The following NUS1 variants were observed in gnomAD, a reference collection of about 807,000 sequenced individuals.
NUS1 encodes NUS1 dehydrodolichyl diphosphate synthase subunit, also known as dehydrodolichyl diphosphate synthase complex subunit NUS1.
For missense variants in NUS1, 292 were observed against 382.9 expected (o/e 0.76, Z 1.98); for synonymous variants, 135 against 155.2 (o/e 0.87, Z 0.97).
intron 3 of NUS1, among the ~76,000 whole-genome samples, chr6:117,702,628 A>G (rs886839757): frequency 6.6e-6 from 1 of 152,052 alleles, no homozygotes; most frequent in African/African-American, 2.4e-5. Flanking sequence ...GTCATTTTTT[A>G]TGGAAGATAA....
chr6:117,698,911 GATC>G (rs1319357165), intron 3 of NUS1, among the ~76,000 whole-genome samples: 1 of 152,048 alleles, frequency 6.6e-6, no homozygotes, highest in Non-Finnish European at 1.5e-5. Context: ...TAAAAATCAT[GATC>G]ATTTCAATTG....
chr6:117,683,011 A>T (rs1260995380), intron 1 of NUS1, among the ~76,000 whole-genome samples: 1 of 152,196 alleles, frequency 6.6e-6, no homozygotes, highest in African/African-American at 2.4e-5. Flanking sequence ...GAGTTATAGG[A>T]CACATTTTTT....
chr6:117,690,977 C>T, intron 1 of NUS1, among the ~76,000 whole-genome samples: 2 of 48,868 alleles, frequency 4.1e-5, no homozygotes, highest in Admixed American at 2.6e-4. Flanking sequence ...GAGAGTCTGT[C>T]TCAAAAAAAA....
chr6:117,688,006 C>T (rs1010422447), intron 1 of NUS1, among the ~76,000 whole-genome samples: 2 of 152,004 alleles, frequency 1.3e-5, no homozygotes, highest in Non-Finnish European at 2.9e-5. Context: ...ACTTGAGGGC[C>T]AGGAGTTAGA....
intron 1 of NUS1, among the ~76,000 whole-genome samples, chr6:117,677,390 C>G (rs905249179): frequency 1.3e-5 from 2 of 152,118 alleles, no homozygotes; most frequent in Non-Finnish European, 1.5e-5. Context: ...TTGAGGAATA[C>G]TCAGGTTTGG....
intron 1 of NUS1, among the ~76,000 whole-genome samples, chr6:117,684,619 G>C (rs771859956): frequency 6.6e-6 from 1 of 152,042 alleles, no homozygotes; most frequent in African/African-American, 2.4e-5. Context: ...GAATGCTTTC[G>C]AAATTCATTA....
Position 117,707,327 on chromosome 6 carries a change from T to G in NUS1, c.*312T>G, listed in dbSNP as rs549936556. On this transcript the variant is annotated 3_prime_UTR_variant, in exon 5 of 5. Coordinates refer to ENST00000368494, the MANE Select transcript of NUS1 (RefSeq NM_138459.5). Reference sequence around the variant, plus strand: ...AGGAACTGAAATGTCACACTTAAAGTCTTCAGCCCAGCTACTTCCCTATTT... The same window carrying G: ...AGGAACTGAAATGTCACACTTAAAGGCTTCAGCCCAGCTACTTCCCTATTT... The G allele has an allele frequency of 7.3e-6, 2 of 273,404 alleles. No individual in the cohort carries two copies. Among genetic ancestry groups the G allele is most frequent in the African/African-American group, 4.4e-5 (2 of 45,064 alleles). The allele number at this position is 273,404 out of a possible 1,614,324, so 16.9% of individuals were successfully genotyped here.
At chr6:117,679,438 A>G (rs1297856389) in intron 1 of NUS1, among the ~76,000 whole-genome samples, 1 of 152,260 alleles carries the variant, frequency 6.6e-6, no homozygotes, top group African/African-American at 2.4e-5. Flanking sequence ...ATGAGGTAGG[A>G]TGAAGGCTTG....
At chr6:117,706,078 A>G (rs1773496933) in intron 4 of NUS1, among the ~76,000 whole-genome samples, 1 of 152,158 alleles carries the variant, frequency 6.6e-6, no homozygotes, top group Non-Finnish European at 1.5e-5. Flanking sequence ...TGACCCTGAT[A>G]CTATTTGGAA....
At chr6:117,702,287 A>G (rs1773422312) in intron 3 of NUS1, among the ~76,000 whole-genome samples, 1 of 152,088 alleles carries the variant, frequency 6.6e-6, no homozygotes, top group Non-Finnish European at 1.5e-5. Flanking sequence ...CTTCTTGCCT[A>G]CACCCTCCAG....
Position 117,710,475 on chromosome 6 carries a change from T to C in NUS1, c.*3460T>C, listed in dbSNP as rs1305790745. The C allele has an allele frequency of 1.3e-5, 2 of 152,088 alleles. No homozygotes were observed. Among genetic ancestry groups the C allele is most frequent in the Non-Finnish European group, 2.9e-5 (2 of 67,960 alleles). 9.4% of individuals were successfully genotyped at this position (152,088 alleles called of 1,614,324 possible). On this transcript the variant is annotated 3_prime_UTR_variant, in exon 5 of 5. Coordinates refer to ENST00000368494, the MANE Select transcript of NUS1 (RefSeq NM_138459.5). ...AAAGAATTTCTTAAGGTTTAAAAAA[T>C]ACACTTTTCATTATAGGAAAAAGAA...
chr6:117,703,007 A>C (rs1257147398), intron 3 of NUS1, among the ~76,000 whole-genome samples: 1 of 152,096 alleles, frequency 6.6e-6, no homozygotes, highest in African/African-American at 2.4e-5. Flanking sequence ...ATAAAAATTG[A>C]CCTTGTCCTT....
At chr6:117,705,698 G>A (rs551085102) in intron 4 of NUS1, among the ~76,000 whole-genome samples, 1 of 152,266 alleles carries the variant, frequency 6.6e-6, no homozygotes, top group South Asian at 2.1e-4. Flanking sequence ...AGGAGTAGTG[G>A]CACTATATTG....
chr6:117,698,813 C>T (rs4945594), intron 3 of NUS1, among the ~76,000 whole-genome samples: 8,242 of 151,916 alleles, frequency 0.054, 521 homozygotes, highest in East Asian at 0.27. Flanking sequence ...ATTAAAAAGA[C>T]GATGACCAAG....
intron 1 of NUS1, among the ~76,000 whole-genome samples, chr6:117,687,676 C>T (rs1050944989): frequency 6.6e-6 from 1 of 152,098 alleles, no homozygotes; most frequent in African/African-American, 2.4e-5. Flanking sequence ...ATAGGCAATT[C>T]TAATTTGTGG....
chr6:117,700,974 C>T (rs547152977), intron 3 of NUS1, among the ~76,000 whole-genome samples: 19 of 149,552 alleles, frequency 1.3e-4, no homozygotes, highest in Non-Finnish European at 2.2e-4. Flanking sequence ...GGGAGTGAGC[C>T]AGCAGGGAAG....
At chr6:117,703,784 G>T in intron 4 of NUS1, 80 bp downstream of exon 4, 1 of 964,480 alleles carries the variant, frequency 1.0e-6, no homozygotes, top group Non-Finnish European at 1.7e-6. Context: ...GATCTGGTGG[G>T]GATTTCCAAA....
rs1554201816 is a variant in NUS1, at chr6:117,691,558, G to GATATAGATATAT, written c.416-1479_416-1478insGATATATATATA. Among the ~76,000 whole-genome samples the GATATAGATATAT allele has an allele frequency of 1.8e-4, 24 of 136,958 alleles. 2 individuals are homozygous for GATATAGATATAT. In the South Asian group the frequency reaches 3.3e-3, roughly 19 times the overall value. The allele number at this position is 136,958 out of a possible 152,430, so 89.8% of individuals were successfully genotyped here. ...CAGCAGGTTCTGTGCCATAGATATA[G>GATATAGATATAT]ATATATATATATATATATATATATA... On this transcript the variant is annotated intron_variant, in intron 1 of 4. Coordinates refer to ENST00000368494, the MANE Select transcript of NUS1 (RefSeq NM_138459.5).
chr6:117,691,508 G>C (rs1304634556), intron 1 of NUS1, among the ~76,000 whole-genome samples: 1 of 144,774 alleles, frequency 6.9e-6, no homozygotes, highest in Non-Finnish European at 1.5e-5. Context: ...TATACTTCTG[G>C]CTTGGCATTT....
Sources: gnomAD v4.1 joint callset for allele counts (sites outside exome capture counted in the v4.1 genomes callset) on GRCh38, gnomAD v4.1.1 for gene constraint, MANE v1.5 for transcripts, NCBI Gene and HGNC (gene_info 2026-07-23, HGNC 2026-07-21) for gene names.